The following ZNF880 variants were observed in gnomAD, a reference collection of about 807,000 sequenced individuals.
ZNF880 encodes zinc finger protein 880, also known as zinc finger protein LOC400713.
A neutral mutation model predicts 11.8 loss-of-function variants in ZNF880; 12 were observed. That is an observed-to-expected ratio of 1.02 (90% CI 0.65 to 1.65). The LOEUF (loss-of-function observed/expected upper bound fraction) is 1.65, where lower values mean the gene tolerates loss of function less well. Ranked by LOEUF, ZNF880 falls within the 40% of genes most tolerant of loss-of-function variation. The pLI is 0.00. For synonymous variants in ZNF880, 210 were observed against 232.4 expected, an observed-to-expected ratio of 0.90 and a Z score of 0.88; for missense variants, 601 against 673.9, an observed-to-expected ratio of 0.89 and a Z score of 1.20.
At chr19:52,393,394 G>A in the ZNF880 span, among the ~76,000 whole-genome samples, 10 of 146,358 alleles carry the variant, frequency 6.8e-5, no homozygotes, top group East Asian at 2.1e-3. Flanking sequence ...AGTTTTGAAT[G>A]GAAATTTTCT....
At chr19:52,376,482 A>G (rs1304457826) in intron 3 of ZNF880, among the ~76,000 whole-genome samples, 1 of 109,586 alleles carries the variant, frequency 9.1e-6, no homozygotes, top group Non-Finnish European at 1.9e-5. Flanking sequence ...TTGTCTATTC[A>G]TGTCCTTAGC....
intron 3 of ZNF880, among the ~76,000 whole-genome samples, chr19:52,375,551 C>T (rs1298146007): frequency 2.6e-5 from 4 of 151,962 alleles, no homozygotes; most frequent in Non-Finnish European, 5.9e-5. Context: ...CATTTGGTTA[C>T]GTAGATAAGT....
intron 1 of ZNF880, among the ~76,000 whole-genome samples, chr19:52,372,666 C>T (rs1268032113): frequency 6.7e-6 from 1 of 150,274 alleles, no homozygotes; most frequent in African/African-American, 2.4e-5. Context: ...CTTTGGGAGG[C>T]CGAGGTGGGC....
chr19:52,384,359 G>T lies in ZNF880; in HGVS notation c.779G>T (p.Arg260Ile), dbSNP rs753990438. The T allele has an allele frequency of 1.2e-6, 2 of 1,613,736 alleles. No homozygotes were observed. The highest frequency in any genetic ancestry group is 1.7e-5 in the Admixed American group (1 of 59,980). ...ATTTCACTCCTTGCACGACATCAGA[G>T]AATACATACTGGAGAGAAACCTTAC... ...NRISLLARHQRIHTGEKPYKC... is the reference protein window; with the variant it reads ...NRISLLARHQIIHTGEKPYKC... Residue 260 changes from arginine to isoleucine, a missense_variant, in exon 4 of 4, where the codon AGA becomes ATA. By Grantham distance (97) the Arg-to-Ile change is moderately conservative. Transcript: ENST00000422689.
At chr19:52,390,022 T>G (rs1362392008), downstream of ZNF880, 1 of 152,434 alleles carries the variant, frequency 6.6e-6, no homozygotes, top group Non-Finnish European at 1.5e-5. Flanking sequence ...CCCCACTCTA[T>G]ACCATTACCA....
At chr19:52,387,898 CT>C (rs71180454), downstream of ZNF880, among the ~76,000 whole-genome samples, 47,838 of 85,732 alleles carry the variant, frequency 0.56, 13,083 homozygotes, top group Middle Eastern at 0.77. Flanking sequence ...CATAAATTTT[CT>C]TTTTTTTTTT....
intron 1 of ZNF880, chr19:52,370,361 G>T (rs1600245003): frequency 4.0e-6 from 1 of 249,486 alleles, no homozygotes. Context: ...TGCCTTAAAT[G>T]AGAGGAAATC....
chr19:52,385,412 CTT>C lies in ZNF880; in HGVS notation c.*99_*100del. 7.6e-7 allele frequency: 1 copy of C among 1,323,950 alleles called. No homozygotes were observed. Among genetic ancestry groups the C allele is most frequent in the Non-Finnish European group, 1.0e-6 (1 of 972,046 alleles). The allele number at this position is 1,323,950 out of a possible 1,614,324, so 82.0% of individuals were successfully genotyped here. A position where few individuals can be genotyped will look rare whatever the true frequency, so the allele number is the denominator to read the frequency against. On this transcript the variant is annotated 3_prime_UTR_variant, in exon 4 of 4. Transcript: ENST00000422689. ...TCTTACAAACTGAGTATGGCAAACT[CTT>C]CATGCTAAGTTCTAGCATTAATCAA...
chr19:52,396,718 G>C, the ZNF880 span: 1 of 152,338 alleles, frequency 6.6e-6, no homozygotes, highest in African/African-American at 2.4e-5. Flanking sequence ...CTAGAAGCTG[G>C]AGACCAGCCT....
chr19:52,392,938 C>T, the ZNF880 span, among the ~76,000 whole-genome samples: 1 of 152,248 alleles, frequency 6.6e-6, no homozygotes, highest in Admixed American at 6.5e-5. Context: ...CCTCCTTCCT[C>T]TGCCTCCCAA....
At position 52,385,368 on chromosome 19, in the gene ZNF880, A is replaced by C. The variant is rs148798804; in HGVS notation, c.*54A>C. 3.5e-5 allele frequency: 53 copies of C among 1,510,422 alleles called. No individual in the cohort carries two copies. In the Middle Eastern group the frequency reaches 1.7e-3, roughly 49 times the overall value. 93.6% of individuals were successfully genotyped at this position (1,510,422 alleles called of 1,614,324 possible). On this transcript the variant is annotated 3_prime_UTR_variant, in exon 4 of 4. Coordinates refer to ENST00000422689, the MANE Select transcript of ZNF880 (RefSeq NM_001145434.2). The stretch of plus-strand genomic sequence containing the variant: ...ATTCACACCTTGCACAGCATGAGAT[A>C]ATTCATTCATGAGAGAGTTCTTACA...
rs1308059784 is a variant in ZNF880, at chr19:52,385,140, C to G, written c.1560C>G (p.Tyr520Ter). 1.9e-6 allele frequency: 3 copies of G among 1,556,686 alleles called. No homozygotes were observed. The highest frequency in any genetic ancestry group is 2.6e-6 in the Non-Finnish European group (3 of 1,149,994). ...HRQIHTGEKS[Y>*]KCNECGKVFS... ...AAATTCATACTGGAGAGAAGTCTTA[C>G]AAATGCAATGAATGTGGCAAGGTCT... Residue 520 changes from tyrosine (Y) to a stop codon, truncating the protein, a stop_gained, in exon 4 of 4, where the codon TAC (tyrosine) becomes TAG (stop). Coordinates refer to ENST00000422689, the MANE Select transcript of ZNF880 (RefSeq NM_001145434.2). LOFTEE classifies it low-confidence loss of function (END_TRUNC).
chr19:52,381,705 C>A (rs966924662), intron 3 of ZNF880, among the ~76,000 whole-genome samples: 6 of 152,020 alleles, frequency 3.9e-5, no homozygotes, highest in African/African-American at 1.4e-4. Flanking sequence ...CTTGTTTCAT[C>A]ATAGTAACAT....
At chr19:52,386,130 C>T (rs748773804), downstream of ZNF880, among the ~76,000 whole-genome samples, 7 of 130,058 alleles carry the variant, frequency 5.4e-5, 2 homozygotes, top group African/African-American at 9.4e-5. Context: ...AGCTATCACG[C>T]CACTGCACTC....
At chr19:52,374,585 C>T (rs2122360774) in intron 3 of ZNF880, 158 bp downstream of exon 3, 1 of 905,384 alleles carries the variant, frequency 1.1e-6, no homozygotes, top group East Asian at 2.6e-5. Context: ...GATCCTCCTT[C>T]CTCTGCTTCC....
rs1986858193 is a variant in ZNF880 at position 52,385,519 on chromosome 19, AT to A, written c.*206del. On this transcript the variant is annotated 3_prime_UTR_variant, in exon 4 of 4. Coordinates refer to ENST00000422689, the MANE Select transcript of ZNF880 (RefSeq NM_001145434.2). ...CTTGAGGCCTGCCAAATGACTAGAT[AT>A]CAAAACATACATCTTGGATGAAACC... The A allele has an allele frequency of 6.8e-6, 4 of 590,262 alleles. No homozygotes were observed. The Admixed American group carries it at 1.3e-4, about 19-fold the overall frequency. 36.6% of individuals were successfully genotyped at this position (590,262 alleles called of 1,614,324 possible).
intron 1 of ZNF880, 82 bp from the exon 2 acceptor site, chr19:52,373,029 T>A (rs1986433919): frequency 5.7e-6 from 8 of 1,392,640 alleles, no homozygotes; most frequent in African/African-American, 1.4e-5. Context: ...TGTCAGAACA[T>A]CCACTTCAAT....
chr19:52,392,954 TG>T, the ZNF880 span, among the ~76,000 whole-genome samples: 1 of 151,962 alleles, frequency 6.6e-6, no homozygotes, highest in Admixed American at 6.6e-5. Flanking sequence ...CCCAAACTGG[TG>T]GGATTACAGG....
At chr19:52,379,400 T>C (rs1226967961) in intron 3 of ZNF880, 1 of 432,950 alleles carries the variant, frequency 2.3e-6, no homozygotes, top group South Asian at 1.7e-5. Flanking sequence ...ATTTTCATTT[T>C]TCTTTTTTTT....
Sources: gnomAD v4.1 joint callset for allele counts (sites outside exome capture counted in the v4.1 genomes callset) on GRCh38, gnomAD v4.1.1 for gene constraint, MANE v1.5 for transcripts, NCBI Gene and HGNC (gene_info 2026-07-23, HGNC 2026-07-21) for gene names.